Variants in DIAPH2 observed in about 807,000 individuals in gnomAD.
The protein encoded by DIAPH2 is diaphanous related formin 2.
A neutral mutation model predicts 92.7 loss-of-function variants in DIAPH2; 35 were observed. The observed-to-expected ratio is 0.38, with a 90% confidence interval of 0.29 to 0.50. The LOEUF (loss-of-function observed/expected upper bound fraction) is 0.50, where lower values mean the gene tolerates loss of function less well. Among genes scored for constraint, DIAPH2 ranks in the 20% least tolerant of loss-of-function variants. The pLI is 0.94. For synonymous variants in DIAPH2, 301 were observed against 280.4 expected (o/e 1.07, Z -0.73); for missense variants, 701 against 819.5 (o/e 0.86, Z 1.77).
intron 5 of DIAPH2, among the ~76,000 whole-genome samples, chrX:96,900,554 A>G (rs965840815): frequency 9.0e-6 from 1 of 110,866 alleles, no homozygotes; most frequent in Non-Finnish European, 1.9e-5. Flanking sequence ...GTTGCTTTCA[A>G]CTTTTACCCA....
chrX:97,250,738 T>G (rs866139228), intron 23 of DIAPH2, among the ~76,000 whole-genome samples: 2 of 111,861 alleles, frequency 1.8e-5, no homozygotes, highest in South Asian at 3.8e-4. Flanking sequence ...GAAGATCATC[T>G]AGTCCAAGCC....
At chrX:97,074,236 G>A (rs761848497) in intron 18 of DIAPH2, among the ~76,000 whole-genome samples, 9 of 110,776 alleles carry the variant, frequency 8.1e-5, no homozygotes, top group Non-Finnish European at 1.1e-4. Context: ...GTGAAACCCC[G>A]CCTCTACTAA....
chrX:97,039,335 C>A, intron 17 of DIAPH2, among the ~76,000 whole-genome samples: 1 of 110,716 alleles, frequency 9.0e-6, no homozygotes, highest in Non-Finnish European at 1.9e-5. Flanking sequence ...TTGCAGTTTG[C>A]AATTTTTTCC....
chrX:97,140,019 C>CT (rs777583551), intron 21 of DIAPH2, among the ~76,000 whole-genome samples: 2 of 104,207 alleles, frequency 1.9e-5, no homozygotes, highest in African/African-American at 3.4e-5. Flanking sequence ...GAATTGTGTT[C>CT]TTTTTTAAAA....
Position 97,319,650 on chromosome X carries a change from T to C in DIAPH2, c.2845-28466T>C, listed in dbSNP as rs375677076. On this transcript the variant is annotated intron_variant, in intron 23 of 26. Transcript: ENST00000324765. ...ATCTGCCCGCCTCAGCCTCCCAAAGTGCTGGGATAACAGGCGTGAGCCACC... is the reference window on the plus strand; with the variant it reads ...ATCTGCCCGCCTCAGCCTCCCAAAGCGCTGGGATAACAGGCGTGAGCCACC... Among the ~76,000 whole-genome samples, 364 of 110,608 alleles carry C rather than the reference T, an allele frequency of 3.3e-3. 4 individuals are homozygous for C. In the South Asian group the frequency reaches 0.11, roughly 32 times the overall value.
chrX:96,784,957 C>CTT (rs1161152157), intron 4 of DIAPH2, among the ~76,000 whole-genome samples: 2 of 112,090 alleles, frequency 1.8e-5, no homozygotes, highest in Non-Finnish European at 3.8e-5. Context: ...TCTCTGGAGT[C>CTT]TGTCTGCCCA....
chrX:96,794,637 T>C (rs73250740), intron 4 of DIAPH2, among the ~76,000 whole-genome samples: 375 of 111,771 alleles, frequency 3.4e-3, no homozygotes, highest in Non-Finnish European at 4.7e-3. Flanking sequence ...TAAAGATAAC[T>C]CTATCCTGTG....
intron 19 of DIAPH2, among the ~76,000 whole-genome samples, chrX:97,093,421 G>A (rs1475150675): frequency 9.0e-6 from 1 of 111,099 alleles, no homozygotes; most frequent in Non-Finnish European, 1.9e-5. Flanking sequence ...TGGGGAATTG[G>A]GGTTTCACCA....
chrX:97,454,381 A>T (rs1252201691), intron 26 of DIAPH2, among the ~76,000 whole-genome samples: 1 of 111,151 alleles, frequency 9.0e-6, no homozygotes, highest in Non-Finnish European at 1.9e-5. Context: ...GGTCTCAACT[A>T]TGTAAAAAAA....
At chrX:97,574,241 G>A (rs758657345) in intron 26 of DIAPH2, among the ~76,000 whole-genome samples, 1 of 111,883 alleles carries the variant, frequency 8.9e-6, no homozygotes, top group Non-Finnish European at 1.9e-5. Context: ...AAAATTAAAC[G>A]ATTTGCAATT....
chrX:97,011,479 G>A (rs2147864173), intron 17 of DIAPH2, among the ~76,000 whole-genome samples: 1 of 111,904 alleles, frequency 8.9e-6, no homozygotes, highest in African/African-American at 3.2e-5. Context: ...ACTGTAGTGT[G>A]GTAAGTATTA....
intron 4 of DIAPH2, among the ~76,000 whole-genome samples, chrX:96,780,541 G>T (rs1452983863): frequency 9.0e-6 from 1 of 111,022 alleles, no homozygotes; most frequent in East Asian, 2.8e-4. Context: ...GAGTGCAGTG[G>T]CACGATCTAA....
intron 23 of DIAPH2, among the ~76,000 whole-genome samples, chrX:97,305,920 T>C (rs182179430): frequency 1.0e-4 from 11 of 109,803 alleles, no homozygotes; most frequent in Non-Finnish European, 1.9e-5. Flanking sequence ...TTGTGCTGAA[T>C]AGTGTTTTTC....
chrX:97,250,933 A>T (rs2068183652), intron 23 of DIAPH2, among the ~76,000 whole-genome samples: 2 of 111,966 alleles, frequency 1.8e-5, no homozygotes, highest in Admixed American at 9.5e-5. Context: ...CAGAAAAAAC[A>T]TAGACAAAAA....
intron 26 of DIAPH2, among the ~76,000 whole-genome samples, chrX:97,538,053 T>G: frequency 9.2e-6 from 1 of 108,836 alleles, no homozygotes; most frequent in Non-Finnish European, 1.9e-5. Flanking sequence ...CCCAGCTAAT[T>G]TTTTGTATTT....
At chrX:96,881,802 T>G in intron 5 of DIAPH2, 84 bp downstream of exon 5, 1 of 997,768 alleles carries the variant, frequency 1.0e-6, no homozygotes, top group South Asian at 2.3e-5. Flanking sequence ...TTTTGTTATT[T>G]AAACCTCAAG....
At chrX:97,088,524 A>G (rs2066800027) in intron 19 of DIAPH2, among the ~76,000 whole-genome samples, 1 of 112,043 alleles carries the variant, frequency 8.9e-6, no homozygotes, top group African/African-American at 3.2e-5. Flanking sequence ...ATAATGTTAT[A>G]TCATGTGATT....
chrX:97,028,664 G>A (rs984840705), intron 17 of DIAPH2, among the ~76,000 whole-genome samples: 1 of 111,698 alleles, frequency 9.0e-6, no homozygotes, highest in South Asian at 3.8e-4. Context: ...AGTAGTATTC[G>A]GTTGTATGAT....
chrX:97,253,293 A>AAAAAAAAAATAAAATAAAATAAAAT (rs748186406), intron 23 of DIAPH2, among the ~76,000 whole-genome samples: 4 of 91,755 alleles, frequency 4.4e-5, no homozygotes, highest in East Asian at 3.4e-4. Context: ...CTCCGTAAAA[A>AAAAAAAAAATAAAATAAAATAAAAT]AAAATAAAAT....
Sources: gnomAD v4.1 joint callset for allele counts (sites outside exome capture counted in the v4.1 genomes callset) on GRCh38, gnomAD v4.1.1 for gene constraint, MANE v1.5 for transcripts, NCBI Gene and HGNC (gene_info 2026-07-23, HGNC 2026-07-21) for gene names.